The following OTOF variants were observed in gnomAD, a reference collection of about 807,000 sequenced individuals.
OTOF encodes the protein fer-1-like family member 2.
Under a neutral mutation model 236.8 loss-of-function variants are expected in OTOF, and 218 were observed. That is an observed-to-expected ratio of 0.92 (90% CI 0.82 to 1.03). The LOEUF is 1.03. Ranked by LOEUF, OTOF falls within the 50% of genes least tolerant of loss-of-function variation. OTOF has a pLI of 0.00. For synonymous variants in OTOF, 1,041 were observed against 1,072.5 expected, an observed-to-expected ratio of 0.97 and a Z score of 0.57; for missense variants, 2,590 against 2,694.4, an observed-to-expected ratio of 0.96 and a Z score of 0.86.
chr2:26,473,319 G>A lies in OTOF; in HGVS notation c.3571-25C>T, dbSNP rs755925905. ...CCTGGGGTGTTGGCGACAGGAGCCT[G>A]AGCCTCCAAGAAGGGGCAGAGGAAG... On this transcript the variant is annotated intron_variant, in intron 28 of 46. Coordinates refer to ENST00000272371, the MANE Select transcript of OTOF (RefSeq NM_194248.3). This position sits in a 1 kb window ranked among gnomAD's most constrained non-coding sequence, Gnocchi z 7.2. The A allele has an allele frequency of 3.1e-5, 50 of 1,613,104 alleles. No homozygotes were observed. Among genetic ancestry groups the A allele is most frequent in the Non-Finnish European group, 4.1e-5 (48 of 1,179,910 alleles).
intron 3 of OTOF, among the ~76,000 whole-genome samples, chr2:26,520,817 A>G (rs1031924308): frequency 1.3e-5 from 2 of 152,180 alleles, no homozygotes; most frequent in African/African-American, 4.8e-5. Context: ...AAATACACTC[A>G]TCTTTTTGCA....
At chr2:26,554,188 A>G (rs1667532254) in intron 1 of OTOF, among the ~76,000 whole-genome samples, 1 of 150,430 alleles carries the variant, frequency 6.6e-6, no homozygotes, top group Non-Finnish European at 1.5e-5. Flanking sequence ...AAAAAAAAAA[A>G]TCGTTAGGCC....
chr2:26,461,754 G>C lies in OTOF; in HGVS notation c.5475C>G (p.Pro1825=). ...FSWDETEYKI[P]ARLTLQIWDA... ...CCCAGATCTGCAGGGTGAGCCGCGC[G>C]GGGATCTTGTACTCGGTCTCGTCCC... The change falls in exon 43 of 47, where the codon CCC becomes CCG. Residue 1825 remains proline, a synonymous_variant. Coordinates refer to ENST00000272371, the MANE Select transcript of OTOF (RefSeq NM_194248.3). This position sits in a 1 kb window ranked among gnomAD's most constrained non-coding sequence, Gnocchi z 6.2. 2 of 1,614,186 alleles carry C rather than the reference G, an allele frequency of 1.2e-6. No individual in the cohort carries two copies. The highest frequency in any genetic ancestry group is 1.7e-6 in the Non-Finnish European group (2 of 1,180,024).
chr2:26,466,557 G>A (rs1254663332), intron 36 of OTOF, among the ~76,000 whole-genome samples, 157 bp downstream of exon 36: 1 of 152,122 alleles, frequency 6.6e-6, no homozygotes, highest in Non-Finnish European at 1.5e-5. Context: ...GGCTGGTCTC[G>A]AACTCCTGAC....
intron 2 of OTOF, among the ~76,000 whole-genome samples, chr2:26,536,723 C>T (rs1667079982): frequency 2.0e-5 from 3 of 152,156 alleles, no homozygotes. Context: ...GGAGAGCCAA[C>T]CCCAGGAGAG....
chr2:26,467,398 G>A lies in OTOF; in HGVS notation c.4194C>T (p.Pro1398=), dbSNP rs749026372. 9.9e-6 allele frequency: 16 copies of A among 1,613,452 alleles called. No homozygotes were observed. The highest frequency in any genetic ancestry group is 4.5e-5 in the East Asian group (2 of 44,850). The change falls in exon 34 of 47, where the codon CCC becomes CCT. Residue 1398 remains proline, a synonymous_variant. Coordinates refer to ENST00000272371, the MANE Select transcript of OTOF (RefSeq NM_194248.3). ...CATCAATCTTGGGTTTCTTCTTCTC[G>A]GGGGCCTCGGACCCCTGGCCAGAGC... is the stretch of plus-strand genomic sequence containing the variant. ...SSGSGQGSEA[P]EKKKPKIDEL... is the part of the protein sequence containing the mutation.
intron 3 of OTOF, among the ~76,000 whole-genome samples, chr2:26,522,920 C>G (rs541713924): frequency 6.6e-6 from 1 of 152,360 alleles, no homozygotes; most frequent in Middle Eastern, 3.4e-3. Flanking sequence ...CTGTCTGGCC[C>G]CACGAGGGGC....
At chr2:26,483,893 A>G (rs565798496) in intron 12 of OTOF, among the ~76,000 whole-genome samples, 1 of 152,352 alleles carries the variant, frequency 6.6e-6, no homozygotes, top group South Asian at 2.1e-4. Context: ...TCCCAAGAAC[A>G]TGATCGGCTC....
chr2:26,536,071 A>G (rs1329600198), intron 2 of OTOF, among the ~76,000 whole-genome samples: 2 of 152,140 alleles, frequency 1.3e-5, no homozygotes, highest in African/African-American at 4.8e-5. Flanking sequence ...GGACTATGGG[A>G]AACTGGGCCA....
At chr2:26,544,047 T>C (rs1046893127) in intron 1 of OTOF, among the ~76,000 whole-genome samples, 4 of 152,250 alleles carry the variant, frequency 2.6e-5, no homozygotes, top group Admixed American at 6.5e-5. Context: ...CTTTAAGTTA[T>C]GTGCTAAATA....
intron 8 of OTOF, among the ~76,000 whole-genome samples, chr2:26,499,234 T>A (rs1484963223): frequency 6.6e-6 from 1 of 152,012 alleles, no homozygotes; most frequent in Non-Finnish European, 1.5e-5. Context: ...ATGGCAATAA[T>A]CAGGAAAGAG....
Position 26,527,940 on chromosome 2 carries a change from T to G in OTOF, c.139-20A>C. The G allele has an allele frequency of 1.3e-6, 2 of 1,595,018 alleles. No individual in the cohort carries two copies. The highest frequency in any genetic ancestry group is 1.7e-6 in the Non-Finnish European group (2 of 1,162,706). On this transcript the variant is annotated intron_variant, in intron 2 of 46. Transcript: ENST00000272371. ...AAATGTCTGGGGAGAGAGGGACAAC[T>G]GCGGCTTCGGTGGCAATAACAGGTA...
chr2:26,460,924 G>A lies in OTOF; in HGVS notation c.5640C>T (p.Ile1880=). 3 of 1,614,150 alleles carry A rather than the reference G, an allele frequency of 1.9e-6. No homozygotes were observed. The highest frequency in any genetic ancestry group is 2.5e-6 in the Non-Finnish European group (3 of 1,180,022). The change falls in exon 44 of 47, where the codon ATC becomes ATT. Residue 1880 remains isoleucine, a synonymous_variant. Coordinates refer to ENST00000272371, the MANE Select transcript of OTOF (RefSeq NM_194248.3). The surrounding 1 kb of genome is among the most constrained non-coding windows in gnomAD (Gnocchi z 5.3). ...AGCCTTTGACGCGCTTTTGCTTGAA[G>A]ATGGACACGAGGGGCACGTCCACCT... The part of the protein sequence containing the change: ...TGEVDVPLVS[I]FKQKRVKGWW...
rs751099163 is a variant in OTOF, at chr2:26,477,690, A to G, written c.2274T>C (p.Arg758=). The G allele has an allele frequency of 6.2e-7, 1 of 1,612,544 alleles. No homozygotes were observed. The highest frequency in any genetic ancestry group is 1.1e-5 in the South Asian group (1 of 91,068). Residue 758 remains arginine (R), a synonymous_variant, in exon 19 of 47, where the codon CGT becomes CGC. Coordinates refer to ENST00000272371, the MANE Select transcript of OTOF (RefSeq NM_194248.3). This position sits in a 1 kb window ranked among gnomAD's most constrained non-coding sequence, Gnocchi z 4.7. The stretch of plus-strand genomic sequence containing the variant: ...GCTCCTCCAGGACGCCCCGCAGGCG[A>G]CGCTCAGGGTAGGACTTCTCCGTTT... ...MIKTEKSYPE[R]RLRGVLEELS...
chr2:26,537,205 AAGGTCTGG>A (rs1018956780), intron 2 of OTOF, among the ~76,000 whole-genome samples: 1 of 152,052 alleles, frequency 6.6e-6, no homozygotes, highest in African/African-American at 2.4e-5. Context: ...GCTTCCCCTC[AAGGTCTGG>A]AGATGGCGCC....
intron 1 of OTOF, 126 bp downstream of exon 1, chr2:26,558,367 G>T: frequency 1.2e-6 from 1 of 814,832 alleles, no homozygotes; most frequent in Non-Finnish European, 2.1e-6. Flanking sequence ...AAGGCTCGTC[G>T]CCCCAGCCCC....
At chr2:26,471,207 GGCAGTGGCCTA>G (rs1439321946) in intron 30 of OTOF, 57 bp from the exon 31 acceptor site, 6 of 1,590,220 alleles carry the variant, frequency 3.8e-6, no homozygotes, top group Non-Finnish European at 5.2e-6. Flanking sequence ...TGGAGTGGCA[GGCAGTGGCCTA>G]GCACAGGGTG....
At chr2:26,501,061 A>G (rs1666104927) in intron 8 of OTOF, among the ~76,000 whole-genome samples, 1 of 152,182 alleles carries the variant, frequency 6.6e-6, no homozygotes, top group Admixed American at 6.5e-5. Context: ...GAGTCCTGTT[A>G]GCCTCCAAGG....
chr2:26,473,972 C>A lies in OTOF; in HGVS notation c.3408+19G>T. On this transcript the variant is annotated intron_variant, in intron 27 of 46. Coordinates refer to ENST00000272371, the MANE Select transcript of OTOF (RefSeq NM_194248.3). The surrounding 1 kb of genome is among the most constrained non-coding windows in gnomAD (Gnocchi z 7.2). ...AGACTCCTCATCCAAAAGGGAAGGG[C>A]CACACAGAGCCCTCGCACCTCCACT... The A allele has an allele frequency of 6.2e-7, 1 of 1,612,744 alleles. No homozygotes were observed. Among genetic ancestry groups the A allele is most frequent in the Non-Finnish European group, 8.5e-7 (1 of 1,179,850 alleles).
Sources: allele counts gnomAD v4.1 joint callset (sites outside exome capture counted in the v4.1 genomes callset), GRCh38; gene constraint gnomAD v4.1.1; non-coding constraint Gnocchi (gnomAD v3.1); transcripts MANE v1.5; gene names NCBI Gene and HGNC (gene_info 2026-07-23, HGNC 2026-07-21).